Variants in ZFHX3 observed in about 807,000 individuals in gnomAD.
ZFHX3 encodes the protein zinc finger homeobox 3, also known as zinc finger homeobox protein 3.
Under a neutral mutation model 279.1 loss-of-function variants are expected in ZFHX3, and 42 were observed. The observed-to-expected ratio is 0.15, with a 90% CI of 0.12 to 0.19. The LOEUF (loss-of-function observed/expected upper bound fraction) is 0.19, where lower values mean the gene tolerates loss of function less well. Ranked by LOEUF, ZFHX3 falls within the 10% of genes least tolerant of loss-of-function variation. The probability of loss-of-function intolerance (pLI) is 1.00; values close to 1 mark genes in which losing one functional copy is unlikely to be tolerated. For synonymous variants in ZFHX3, 2,293 were observed against 1,957.8 expected (o/e 1.17, Z -4.52); for missense variants, 4,981 against 4,754.0 (o/e 1.05, Z -1.40).
chr16:73,312,458 C>G (rs1399470483), intron 4 of ZFHX3, among the ~76,000 whole-genome samples: 1 of 152,144 alleles, frequency 6.6e-6, no homozygotes, highest in African/African-American at 2.4e-5. Context: ...GGAAGTCATC[C>G]AGTCCCGATC....
intron 1 of ZFHX3, among the ~76,000 whole-genome samples, chr16:73,784,786 T>TTAA (rs1490382620): frequency 7.5e-6 from 1 of 133,810 alleles, no homozygotes; most frequent in African/African-American, 3.0e-5. Flanking sequence ...TTTAACAAAA[T>TTAA]AAAAAAAAAA....
chr16:73,659,085 G>A (rs2052752522), intron 2 of ZFHX3, among the ~76,000 whole-genome samples: 1 of 152,162 alleles, frequency 6.6e-6, no homozygotes, highest in African/African-American at 2.4e-5. Flanking sequence ...AGGAGATGTG[G>A]TTGGATTCCA....
At chr16:73,323,532 A>T (rs1360343164) in intron 3 of ZFHX3, among the ~76,000 whole-genome samples, 1 of 152,214 alleles carries the variant, frequency 6.6e-6, no homozygotes, top group African/African-American at 2.4e-5. Context: ...TGGAAGTAAT[A>T]AGTATGGACC....
chr16:73,153,632 G>C (rs1221988641), intron 5 of ZFHX3, among the ~76,000 whole-genome samples: 2 of 151,998 alleles, frequency 1.3e-5, no homozygotes, highest in Admixed American at 1.3e-4. Flanking sequence ...TTTAAGGGAA[G>C]AAATAAGCAC....
At chr16:72,940,252 T>C (rs1960347813) in intron 3 of ZFHX3, among the ~76,000 whole-genome samples, 1 of 152,126 alleles carries the variant, frequency 6.6e-6, no homozygotes, top group Admixed American at 6.5e-5. Flanking sequence ...CCTGAGTCTG[T>C]ACAAAATCCT....
At chr16:73,883,530 T>C (rs1367282533) in intron 1 of ZFHX3, among the ~76,000 whole-genome samples, 1 of 152,030 alleles carries the variant, frequency 6.6e-6, no homozygotes, top group Non-Finnish European at 1.5e-5. Context: ...CAATGACATG[T>C]GCACACATTC....
chr16:72,825,291 G>A (rs1031107969), intron 5 of ZFHX3, among the ~76,000 whole-genome samples: 1 of 152,184 alleles, frequency 6.6e-6, no homozygotes, highest in African/African-American at 2.4e-5. Context: ...TGAACATCCT[G>A]GTGGTTATCG....
intron 4 of ZFHX3, among the ~76,000 whole-genome samples, chr16:73,309,364 A>T (rs1021227862): frequency 7.9e-5 from 12 of 152,186 alleles, no homozygotes; most frequent in African/African-American, 2.9e-4. Context: ...TTTTCTAAGG[A>T]TGATGGCCTC....
At chr16:72,990,595 T>C (rs1020075376) in intron 1 of ZFHX3, among the ~76,000 whole-genome samples, 2 of 152,196 alleles carry the variant, frequency 1.3e-5, no homozygotes, top group Admixed American at 1.3e-4. Context: ...GAGCACCCTC[T>C]TCTTTCCAGT....
intron 1 of ZFHX3, among the ~76,000 whole-genome samples, chr16:73,711,315 C>T (rs1021237909): frequency 1.3e-5 from 2 of 151,926 alleles, no homozygotes; most frequent in African/African-American, 4.8e-5. Context: ...AACGCATTCT[C>T]GGTATAAGAA....
intron 8 of ZFHX3, among the ~76,000 whole-genome samples, chr16:73,083,029 A>C (rs1597150695): frequency 1.2e-4 from 2 of 16,306 alleles, no homozygotes; most frequent in Non-Finnish European, 1.4e-3. Context: ...ACTAAAAAAA[A>C]AAAAAAAAAA....
At chr16:73,475,759 C>T (rs759705627) in intron 2 of ZFHX3, among the ~76,000 whole-genome samples, 2 of 151,976 alleles carry the variant, frequency 1.3e-5, no homozygotes, top group African/African-American at 2.4e-5. Context: ...GAGTATATTC[C>T]AATTTTCTAT....
rs552602707 is a variant in ZFHX3, at chr16:73,200,788, C to A, written c.-1104+56259G>T. Among the ~76,000 whole-genome samples, 23 of 152,256 alleles carry A rather than the reference C, an allele frequency of 1.5e-4. No individual in the cohort carries two copies. In the South Asian group the frequency reaches 3.7e-3, roughly 25 times the overall value. ...AGGGAAAATAATCCTATCAAAGGAG[C>A]TATTTAGCATTTGAATATTTTTTAA... is the stretch of plus-strand genomic sequence containing the variant. On this transcript the variant is annotated intron_variant, in intron 5 of 17. Transcript: ENST00000641206.
Position 72,959,553 on chromosome 16 carries a change from A to G in ZFHX3, c.593T>C (p.Phe198Ser). ...APVYPQIINT[F>S]HIASSFGKWF... is the part of the protein sequence containing the mutation. ...TTTCCCGAAGGATGAGGCTATGTGG[A>G]AAGTGTTGATGATCTGCGGGTACAC... Residue 198 changes from phenylalanine (F) to serine (S), a missense_variant, in exon 2 of 10, where the codon TTC becomes TCC. Around this residue, in one of 7 missense-constraint regions of ZFHX3, gnomAD observed 1,068 missense variants for 935.2 expected, o/e 1.14. Coordinates refer to ENST00000268489, the MANE Select transcript of ZFHX3 (RefSeq NM_006885.4). 6.2e-7 allele frequency: 1 copy of G among 1,614,200 alleles called. No homozygotes were observed. The highest frequency in any genetic ancestry group is 8.5e-7 in the Non-Finnish European group (1 of 1,180,032).
intron 2 of ZFHX3, among the ~76,000 whole-genome samples, chr16:73,541,208 G>A (rs559343078): frequency 1.3e-5 from 2 of 152,246 alleles, no homozygotes; most frequent in South Asian, 2.1e-4. Flanking sequence ...CAGACCCCAC[G>A]AAGTATTAAA....
Position 73,704,805 on chromosome 16 carries a change from C to T in ZFHX3, c.-1607-24565G>A, listed in dbSNP as rs1235176538. 2.6e-5 allele frequency among the ~76,000 whole-genome samples: 4 copies of T among 152,196 alleles called. No individual in the cohort carries two copies. The South Asian group carries it at 6.2e-4, about 24-fold the overall frequency. ...CACTAGAGGAAACTGAACTTCACTC[C>T]TGCTAGGGAGCTCTGGGAGCCAGTG... On this transcript the variant is annotated intron_variant, in intron 1 of 17. Coordinates refer to the ZFHX3 transcript ENST00000641206.
chr16:73,279,526 G>A (rs13334929), intron 4 of ZFHX3, among the ~76,000 whole-genome samples: 2,900 of 152,228 alleles, frequency 0.019, 62 homozygotes, highest in African/African-American at 0.053. Flanking sequence ...GAAATTGCTA[G>A]TAGACTCTCT....
intron 2 of ZFHX3, among the ~76,000 whole-genome samples, chr16:73,570,851 T>G (rs969974674): frequency 1.3e-5 from 2 of 151,948 alleles, no homozygotes; most frequent in Non-Finnish European, 2.9e-5. Flanking sequence ...CTTAGTATTT[T>G]TAAGGCAATG....
At chr16:73,156,682 A>T (rs1030077191) in intron 5 of ZFHX3, among the ~76,000 whole-genome samples, 1 of 151,866 alleles carries the variant, frequency 6.6e-6, no homozygotes, top group Non-Finnish European at 1.5e-5. Flanking sequence ...TAGTCTCCCA[A>T]GTAGCTGGGA....
Sources: allele counts gnomAD v4.1 joint callset (sites outside exome capture counted in the v4.1 genomes callset), GRCh38; gene constraint gnomAD v4.1.1; regional missense constraint gnomAD v4.1.1; transcripts MANE v1.5; gene names NCBI Gene and HGNC (gene_info 2026-07-23, HGNC 2026-07-21).